CCDC7: variants seen among roughly 807,000 people sequenced by gnomAD.
CCDC7 encodes coiled-coil domain containing 7.
CCDC7 carries 183 observed loss-of-function variants against 196.9 expected under a neutral mutation model. The ratio of observed to expected loss-of-function variants is 0.93; its 90% CI spans 0.82 to 1.05. CCDC7 has a LOEUF of 1.05. Among genes scored for constraint, CCDC7 ranks in the 50% least tolerant of loss-of-function variants. CCDC7 has a pLI of 0.00. For missense variants in CCDC7, 1,540 were observed against 1,482.2 expected (o/e 1.04, Z -0.64); for synonymous variants, 525 against 484.6 (o/e 1.08, Z -1.10).
At chr10:32,775,298 A>G (rs1205155857) in intron 28 of CCDC7, among the ~76,000 whole-genome samples, 1 of 152,082 alleles carries the variant, frequency 6.6e-6, no homozygotes, top group Admixed American at 6.6e-5. Context: ...GGCTATGGAA[A>G]TTTTCTTACT....
intron 22 of CCDC7, among the ~76,000 whole-genome samples, chr10:32,686,606 G>A (rs1431265841): frequency 6.6e-6 from 1 of 152,222 alleles, no homozygotes; most frequent in African/African-American, 2.4e-5. Context: ...TTGCAATCAG[G>A]ATTCCATCAA....
At chr10:32,575,581 C>T (rs1350998250) in intron 16 of CCDC7, among the ~76,000 whole-genome samples, 1 of 152,208 alleles carries the variant, frequency 6.6e-6, no homozygotes, top group Non-Finnish European at 1.5e-5. Context: ...AGCACCTAGT[C>T]AACCATGTAT....
intron 28 of CCDC7, among the ~76,000 whole-genome samples, chr10:32,747,753 T>A (rs573258162): frequency 6.6e-6 from 1 of 152,320 alleles, no homozygotes; most frequent in South Asian, 2.1e-4. Context: ...GCTTATACAC[T>A]GCTGGTTGGA....
intron 33 of CCDC7, among the ~76,000 whole-genome samples, chr10:32,839,299 T>C (rs998168758): frequency 1.3e-5 from 2 of 151,586 alleles, no homozygotes; most frequent in African/African-American, 2.4e-5. Flanking sequence ...AAACTTAAGG[T>C]AAAGGTGTGG....
intron 33 of CCDC7, among the ~76,000 whole-genome samples, chr10:32,843,184 A>G (rs951956455): frequency 1.3e-5 from 2 of 151,994 alleles, no homozygotes; most frequent in African/African-American, 4.8e-5. Context: ...TATATAAATA[A>G]GAAGGTTAGT....
intron 23 of CCDC7, among the ~76,000 whole-genome samples, chr10:32,691,133 T>C (rs1461226428): frequency 6.6e-6 from 1 of 152,172 alleles, no homozygotes; most frequent in Non-Finnish European, 1.5e-5. Flanking sequence ...TTGGCCTAAC[T>C]CTTAATTTTC....
intron 31 of CCDC7, among the ~76,000 whole-genome samples, chr10:32,815,486 A>G (rs2152507): frequency 0.98 from 149,861 of 152,270 alleles, 73,787 homozygotes; most frequent in Middle Eastern, 1. Flanking sequence ...CAGGGTCAAG[A>G]AAAGATTTGA....
intron 28 of CCDC7, among the ~76,000 whole-genome samples, chr10:32,758,006 T>C (rs2076762266): frequency 6.6e-6 from 1 of 152,048 alleles, no homozygotes; most frequent in Admixed American, 6.6e-5. Flanking sequence ...CTAGAAGAAA[T>C]GAATAAATTC....
intron 18 of CCDC7, among the ~76,000 whole-genome samples, chr10:32,600,697 G>A (rs927888947): frequency 2.0e-5 from 3 of 152,118 alleles, no homozygotes; most frequent in Non-Finnish European, 4.4e-5. Context: ...CCCAATAATG[G>A]TGCAAAATTA....
At chr10:32,484,494 C>T (rs1467637398) in intron 8 of CCDC7, among the ~76,000 whole-genome samples, 3 of 152,312 alleles carry the variant, frequency 2.0e-5, no homozygotes, top group Non-Finnish European at 2.9e-5. Context: ...TTATTTCTTT[C>T]TCTTGCCTTA....
intron 28 of CCDC7, among the ~76,000 whole-genome samples, chr10:32,761,850 T>C (rs1440453476): frequency 6.6e-6 from 1 of 151,998 alleles, no homozygotes; most frequent in Non-Finnish European, 1.5e-5. Flanking sequence ...TGCTGGGTCC[T>C]CCTTGCCTTT....
intron 24 of CCDC7, 91 bp from the exon 26 acceptor site, chr10:32,711,529 A>G (rs1290588995): frequency 1.4e-6 from 1 of 721,062 alleles, no homozygotes; most frequent in Non-Finnish European, 2.3e-6. Flanking sequence ...ATGAAAGAAA[A>G]TGTTGCTTCC....
chr10:32,622,657 A>G (rs896970977), intron 18 of CCDC7, among the ~76,000 whole-genome samples: 2 of 151,998 alleles, frequency 1.3e-5, no homozygotes, highest in African/African-American at 4.8e-5. Flanking sequence ...GTATTGCAGG[A>G]TGTTTAACAG....
At chr10:32,857,199 T>C (rs1245682118) in intron 41 of CCDC7, among the ~76,000 whole-genome samples, 2 of 152,140 alleles carry the variant, frequency 1.3e-5, no homozygotes, top group East Asian at 3.8e-4. Context: ...GCCCAACTAA[T>C]ACCTGCAGAC....
intron 21 of CCDC7, among the ~76,000 whole-genome samples, chr10:32,672,403 T>TGACAACACC (rs1410915237): frequency 6.6e-6 from 1 of 152,154 alleles, no homozygotes; most frequent in Non-Finnish European, 1.5e-5. Context: ...ATTCCCAATG[T>TGACAACACC]CTGAGGTGTG....
intron 20 of CCDC7, among the ~76,000 whole-genome samples, chr10:32,649,198 T>C (rs1436181288): frequency 1.3e-5 from 2 of 152,180 alleles, no homozygotes; most frequent in African/African-American, 4.8e-5. Flanking sequence ...GAATAGCCAC[T>C]GGATTCTGGG....
At chr10:32,593,149 G>T (rs1003847774) in intron 18 of CCDC7, among the ~76,000 whole-genome samples, 20 of 152,178 alleles carry the variant, frequency 1.3e-4, no homozygotes, top group Non-Finnish European at 1.5e-5. Context: ...GCTTGAACTA[G>T]TTTACAGTCC....
At chr10:32,852,711 T>C (rs2093610021) in intron 40 of CCDC7, among the ~76,000 whole-genome samples, 1 of 152,158 alleles carries the variant, frequency 6.6e-6, no homozygotes, top group Non-Finnish European at 1.5e-5. Context: ...AAAAAATCAA[T>C]AGGAAATGCA....
intron 39 of CCDC7, among the ~76,000 whole-genome samples, chr10:32,850,875 T>C (rs549593597): frequency 6.6e-6 from 1 of 150,808 alleles, no homozygotes; most frequent in Non-Finnish European, 1.5e-5. Context: ...GACACTCCCA[T>C]TAACAAACAG....
Sources: gnomAD v4.1 joint callset for allele counts (sites outside exome capture counted in the v4.1 genomes callset) on GRCh38, gnomAD v4.1.1 for gene constraint, MANE v1.5 for transcripts, NCBI Gene and HGNC (gene_info 2026-07-23, HGNC 2026-07-21) for gene names.